ALK: variants seen among roughly 807,000 people sequenced by gnomAD.
The protein encoded by ALK is ALK receptor tyrosine kinase.
Under a neutral mutation model 163.1 loss-of-function variants are expected in ALK, and 74 were observed. The ratio of observed to expected loss-of-function variants is 0.45; its 90% confidence interval spans 0.38 to 0.55. The LOEUF (loss-of-function observed/expected upper bound fraction) is 0.55. Among genes scored for constraint, ALK ranks in the 20% least tolerant of loss-of-function variants. The pLI, the probability that ALK is intolerant of heterozygous loss-of-function variation, is 0.00. For synonymous variants in ALK, 960 were observed against 843.2 expected, an observed-to-expected ratio of 1.14 and a Z score of -2.40; for missense variants, 2,063 against 2,105.3, an observed-to-expected ratio of 0.98 and a Z score of 0.39.
At chr2:29,810,050 T>C (rs1220728935) in intron 1 of ALK, among the ~76,000 whole-genome samples, 1 of 152,284 alleles carries the variant, frequency 6.6e-6, no homozygotes, top group Admixed American at 6.5e-5. Flanking sequence ...ACAGTGATGG[T>C]GTCAAGATGG....
intron 5 of ALK, among the ~76,000 whole-genome samples, chr2:29,380,504 C>T (rs372104102): frequency 3.3e-5 from 5 of 151,426 alleles, no homozygotes; most frequent in East Asian, 1.9e-4. Context: ...CCGCAACCTC[C>T]GCCTCCCAGG....
At chr2:29,729,319 G>A (rs542250967) in intron 1 of ALK, among the ~76,000 whole-genome samples, 1 of 152,314 alleles carries the variant, frequency 6.6e-6, no homozygotes, top group African/African-American at 2.4e-5. Context: ...GAGGCAAAGA[G>A]GGAGGGGAGA....
Position 29,657,464 on chromosome 2 carries a change from C to T in ALK, c.952+37386G>A, listed in dbSNP as rs557881509. ...GAGGTACACATTGTAAAGCACCGTG[C>T]AATATGAATTAAAATGGCAGAGCAC... On this transcript the variant is annotated intron_variant, in intron 3 of 28. Coordinates refer to ENST00000389048, the MANE Select transcript of ALK (RefSeq NM_004304.5). Among the ~76,000 whole-genome samples the T allele has an allele frequency of 4.3e-4, 65 of 152,182 alleles. No individual in the cohort carries two copies. In the South Asian group the frequency reaches 8.5e-3, roughly 20 times the overall value.
intron 1 of ALK, among the ~76,000 whole-genome samples, chr2:29,892,635 G>A (rs1368664362): frequency 6.6e-6 from 1 of 152,162 alleles, no homozygotes; most frequent in African/African-American, 2.4e-5. Context: ...TGAAGGCTGA[G>A]AGCTGAAGGG....
chr2:29,650,379 G>A (rs145829554), intron 3 of ALK, among the ~76,000 whole-genome samples: 1 of 152,188 alleles, frequency 6.6e-6, no homozygotes, highest in East Asian at 1.9e-4. Flanking sequence ...GCCAAGAAAT[G>A]GGATTAAAAA....
intron 4 of ALK, among the ~76,000 whole-genome samples, chr2:29,481,601 G>C (rs1671660674): frequency 6.6e-6 from 1 of 152,094 alleles, no homozygotes; most frequent in African/African-American, 2.4e-5. Flanking sequence ...TTCTTCCCTA[G>C]GCCTCAAGTT....
chr2:29,381,733 C>A (rs1396356542), intron 5 of ALK, among the ~76,000 whole-genome samples: 1 of 152,172 alleles, frequency 6.6e-6, no homozygotes, highest in East Asian at 1.9e-4. Flanking sequence ...CTGGCTTAAC[C>A]AAAGCAATGA....
In ALK at chr2:29,921,358, T is replaced by C. The variant is rs943046273; in HGVS notation, c.-699A>G. 5 of 232,860 alleles carry C rather than the reference T, an allele frequency of 2.1e-5. No homozygotes were observed. The highest frequency in any genetic ancestry group is 4.2e-5 in the Non-Finnish European group (5 of 117,886). The allele number at this position is 232,860 out of a possible 1,614,324, so 14.4% of individuals were successfully genotyped here. ...TCACCGGCGCCTCGGCTCCTCAGAG[T>C]TCGCAGGCACTGGAGCGGCCCCGGC... On this transcript the variant is annotated 5_prime_UTR_variant, in exon 1 of 29. Coordinates refer to ENST00000389048, the MANE Select transcript of ALK (RefSeq NM_004304.5).
intron 1 of ALK, among the ~76,000 whole-genome samples, chr2:29,764,583 T>A (rs559045746): frequency 6.6e-6 from 1 of 152,290 alleles, no homozygotes; most frequent in East Asian, 1.9e-4. Context: ...ACTACATATA[T>A]GAAAATAATG....
At chr2:29,205,194 T>C (rs1265139497) in intron 26 of ALK, among the ~76,000 whole-genome samples, 1 of 152,216 alleles carries the variant, frequency 6.6e-6, no homozygotes, top group African/African-American at 2.4e-5. Context: ...TTTAGAAAGT[T>C]TTCCTAAACT....
chr2:29,248,779 T>G (rs1251107369), intron 12 of ALK, among the ~76,000 whole-genome samples: 4 of 152,226 alleles, frequency 2.6e-5, no homozygotes, highest in Non-Finnish European at 5.9e-5. Flanking sequence ...TGATTAATAA[T>G]AAATGGGAAA....
intron 3 of ALK, among the ~76,000 whole-genome samples, chr2:29,546,008 G>A (rs1179788073): frequency 6.6e-6 from 1 of 152,196 alleles, no homozygotes; most frequent in Non-Finnish European, 1.5e-5. Context: ...ATGCTCATGT[G>A]TGTGTGTAGT....
At chr2:29,505,821 A>G (rs1672303911) in intron 4 of ALK, among the ~76,000 whole-genome samples, 1 of 151,258 alleles carries the variant, frequency 6.6e-6, no homozygotes, top group South Asian at 2.1e-4. Flanking sequence ...AAAAAAAAAA[A>G]GTCAGTTTGG....
intron 5 of ALK, among the ~76,000 whole-genome samples, chr2:29,379,101 C>G (rs1051175500): frequency 4.6e-5 from 7 of 152,156 alleles, no homozygotes; most frequent in Non-Finnish European, 7.4e-5. Context: ...CCTGAGGGGT[C>G]CCGGTGAGTG....
Position 29,220,751 on chromosome 2 carries a change from C to T in ALK, c.3600G>A (p.Ala1200=), listed in dbSNP as rs56247462. 1.3e-4 allele frequency: 217 copies of T among 1,613,912 alleles called. No individual in the cohort carries two copies. The Middle Eastern group carries it at 1.7e-3, about 12-fold the overall frequency. Reference sequence around the variant, plus strand: ...GGAGGAAGGACTTGAGGTCTCCCCCCGCCATGAGCTCCAGCAGGATGAACC... The same window carrying T: ...GGAGGAAGGACTTGAGGTCTCCCCCTGCCATGAGCTCCAGCAGGATGAACC... ...LPRFILLELM[A]GGDLKSFLRE... is the part of the protein sequence containing the mutation. The change falls in exon 23 of 29, where the codon GCG becomes GCA. Residue 1200 remains alanine, a synonymous_variant. Transcript: ENST00000389048.
At chr2:29,390,834 A>G (rs377758236) in intron 4 of ALK, among the ~76,000 whole-genome samples, 2 of 152,246 alleles carry the variant, frequency 1.3e-5, no homozygotes, top group African/African-American at 4.8e-5. Flanking sequence ...TTTCTGTAAT[A>G]ATAATTACAC....
At chr2:29,566,350 A>G (rs1674189776) in intron 3 of ALK, among the ~76,000 whole-genome samples, 1 of 152,384 alleles carries the variant, frequency 6.6e-6, no homozygotes, top group South Asian at 2.1e-4. Context: ...AGATGCTAAC[A>G]ATAGTAGCAA....
intron 3 of ALK, 47 bp downstream of exon 3, chr2:29,694,803 G>A (rs1385856629): frequency 6.2e-7 from 1 of 1,609,348 alleles, no homozygotes; most frequent in African/African-American, 1.3e-5. Flanking sequence ...AGGTATTCCA[G>A]CCTGGCCCTG....
chr2:29,893,714 G>A (rs969338458), intron 1 of ALK, among the ~76,000 whole-genome samples: 6 of 152,088 alleles, frequency 3.9e-5, no homozygotes, highest in South Asian at 2.1e-4. Context: ...GTAGATTACT[G>A]TTTCCATAAT....
Sources: gnomAD v4.1 joint callset for allele counts (sites outside exome capture counted in the v4.1 genomes callset) on GRCh38, gnomAD v4.1.1 for gene constraint, MANE v1.5 for transcripts, NCBI Gene and HGNC (gene_info 2026-07-23, HGNC 2026-07-21) for gene names.